The following POLA1 variants were observed in gnomAD, a reference collection of about 807,000 sequenced individuals.
POLA1 encodes DNA polymerase alpha catalytic subunit.
POLA1 carries 15 observed loss-of-function variants against 124.0 expected under a neutral mutation model. That is an observed-to-expected ratio of 0.12 (90% confidence interval 0.08 to 0.19). POLA1 has a LOEUF of 0.19. Among genes scored for constraint, POLA1 ranks in the 10% least tolerant of loss-of-function variants. POLA1 has a pLI of 1.00. For synonymous variants in POLA1, 408 were observed against 389.4 expected (o/e 1.05, Z -0.56); for missense variants, 886 against 1,103.4 (o/e 0.80, Z 2.79).
At chrX:24,906,425 G>A (rs1445497238) in intron 35 of POLA1, among the ~76,000 whole-genome samples, 1 of 110,421 alleles carries the variant, frequency 9.1e-6, no homozygotes, top group Non-Finnish European at 1.9e-5. Flanking sequence ...AGTATCGTAT[G>A]TTCTCACTTA....
intron 33 of POLA1, 199 bp downstream of exon 33, chrX:24,842,029 T>C: frequency 2.8e-6 from 1 of 362,068 alleles, no homozygotes; most frequent in East Asian, 4.8e-5. Context: ...TTGAATGTGC[T>C]TGAATATTGT....
rs188774358 is a variant in POLA1, at chrX:24,872,185, A to G, written c.4048-15821A>G. ...AGATCATTCTAACATGGAAAATCCAATGAAATCAACCAAGAAACTATCACA... is the reference window on the plus strand; with the variant it reads ...AGATCATTCTAACATGGAAAATCCAGTGAAATCAACCAAGAAACTATCACA... On this transcript the variant is annotated intron_variant, in intron 34 of 36. Transcript: ENST00000379068. Among the ~76,000 whole-genome samples, 26 of 112,067 alleles carry G rather than the reference A, an allele frequency of 2.3e-4. No individual in the cohort carries two copies. The East Asian group carries it at 6.7e-3, about 29-fold the overall frequency.
Position 24,954,014 on chromosome X carries a change from G to A in POLA1, c.4261+23465G>A, listed in dbSNP as rs187870959. On this transcript the variant is annotated intron_variant, in intron 36 of 36. Coordinates refer to ENST00000379068, the MANE Select transcript of POLA1 (RefSeq NM_001330360.2). ...GTGAGTTGTGTTGCCCCAAATTATAGTAGGGATGGGGATAAAGAAATATGT... is the reference window on the plus strand; with the variant it reads ...GTGAGTTGTGTTGCCCCAAATTATAATAGGGATGGGGATAAAGAAATATGT... 3.5e-4 allele frequency among the ~76,000 whole-genome samples: 39 copies of A among 111,669 alleles called. No homozygotes were observed. The East Asian group carries it at 0.01, about 30-fold the overall frequency.
intron 35 of POLA1, among the ~76,000 whole-genome samples, chrX:24,918,538 A>G (rs1381249153): frequency 3.6e-5 from 4 of 112,127 alleles, no homozygotes; most frequent in African/African-American, 1.3e-4. Context: ...AACTCATTTA[A>G]TATGCATCAT....
intron 36 of POLA1, among the ~76,000 whole-genome samples, chrX:24,952,571 G>T (rs972069155): frequency 8.9e-6 from 1 of 112,453 alleles, no homozygotes; most frequent in Non-Finnish European, 1.9e-5. Context: ...GTTCAGTGCT[G>T]ATAGAAGCCT....
chrX:24,803,812 A>G (rs1458389991), intron 26 of POLA1, among the ~76,000 whole-genome samples: 2 of 108,848 alleles, frequency 1.8e-5, no homozygotes, highest in Admixed American at 9.8e-5. Flanking sequence ...AGGAATCTCA[A>G]CCTCTTCATT....
intron 34 of POLA1, among the ~76,000 whole-genome samples, chrX:24,876,120 A>G (rs948962870): frequency 1.2e-4 from 13 of 112,091 alleles, no homozygotes; most frequent in Non-Finnish European, 2.3e-4. Flanking sequence ...TTAATTTCTG[A>G]ATACTCAGTT....
intron 35 of POLA1, among the ~76,000 whole-genome samples, chrX:24,907,582 T>A (rs903756822): frequency 1.2e-4 from 13 of 111,890 alleles, no homozygotes; most frequent in African/African-American, 4.2e-4. Flanking sequence ...AAGTGGAACA[T>A]TTTGGAAGTG....
At chrX:24,836,257 C>T (rs1484270540) in intron 32 of POLA1, among the ~76,000 whole-genome samples, 1 of 112,090 alleles carries the variant, frequency 8.9e-6, no homozygotes, top group African/African-American at 3.2e-5. Flanking sequence ...CACTGTATGG[C>T]TATCTACTGG....
At chrX:24,815,815 T>C (rs890710732) in intron 30 of POLA1, among the ~76,000 whole-genome samples, 1 of 111,851 alleles carries the variant, frequency 8.9e-6, no homozygotes, top group African/African-American at 3.2e-5. Flanking sequence ...TAAATGGAAG[T>C]TTTAGAATGA....
intron 35 of POLA1, among the ~76,000 whole-genome samples, chrX:24,920,137 G>A (rs935989165): frequency 9.1e-6 from 1 of 110,278 alleles, no homozygotes; most frequent in Admixed American, 9.6e-5. Flanking sequence ...ATGAGTCACC[G>A]AGCCTGGCCA....
At chrX:24,904,190 C>G (rs1473459103) in intron 35 of POLA1, among the ~76,000 whole-genome samples, 1 of 110,011 alleles carries the variant, frequency 9.1e-6, no homozygotes, top group African/African-American at 3.3e-5. Context: ...ACCCCGACCT[C>G]CCAAAGTGCT....
At chrX:24,712,579 C>G (rs1478427942) in intron 4 of POLA1, among the ~76,000 whole-genome samples, 1 of 111,403 alleles carries the variant, frequency 9.0e-6, no homozygotes, top group Non-Finnish European at 1.9e-5. Flanking sequence ...TTTCTTTTAA[C>G]TTGGTTTTCT....
intron 26 of POLA1, among the ~76,000 whole-genome samples, chrX:24,803,490 A>C (rs2045750386): frequency 9.0e-6 from 1 of 111,244 alleles, no homozygotes; most frequent in Non-Finnish European, 1.9e-5. Flanking sequence ...GAAGTGTGGA[A>C]AAGAGATCTC....
chrX:24,722,220 T>C (rs181192170), intron 10 of POLA1, among the ~76,000 whole-genome samples: 7 of 112,159 alleles, frequency 6.2e-5, no homozygotes, highest in Admixed American at 5.7e-4. Context: ...GCTTTGTTGA[T>C]TACTGCTGTC....
At chrX:24,762,998 G>A (rs1602350090) in intron 26 of POLA1, among the ~76,000 whole-genome samples, 1 of 111,290 alleles carries the variant, frequency 9.0e-6, no homozygotes, top group Non-Finnish European at 1.9e-5. Flanking sequence ...TCAGCCTCCC[G>A]AAGTGCTGGG....
chrX:24,833,016 G>A (rs1238336878), intron 32 of POLA1, among the ~76,000 whole-genome samples: 2 of 110,938 alleles, frequency 1.8e-5, no homozygotes, highest in Non-Finnish European at 3.8e-5. Flanking sequence ...ACCCAAAGCA[G>A]TGTACACTCT....
chrX:24,697,838 T>C (rs1451888342), intron 1 of POLA1, among the ~76,000 whole-genome samples: 2 of 111,732 alleles, frequency 1.8e-5, no homozygotes, highest in Non-Finnish European at 3.8e-5. Context: ...CAGACATAGA[T>C]GGCAATCATG....
intron 35 of POLA1, among the ~76,000 whole-genome samples, chrX:24,898,919 G>A (rs1255306960): frequency 9.0e-6 from 1 of 111,423 alleles, no homozygotes; most frequent in Non-Finnish European, 1.9e-5. Flanking sequence ...TTTGTCATCT[G>A]GTACCCATGG....
Sources: allele counts gnomAD v4.1 joint callset (sites outside exome capture counted in the v4.1 genomes callset), GRCh38; gene constraint gnomAD v4.1.1; transcripts MANE v1.5; gene names NCBI Gene and HGNC (gene_info 2026-07-23, HGNC 2026-07-21).